NWD1: variants seen among roughly 807,000 people sequenced by gnomAD.
NWD1 encodes the protein NACHT domain- and WD repeat-containing protein 1.
NWD1 carries 129 observed loss-of-function variants against 135.1 expected under a neutral mutation model. That is an observed-to-expected ratio of 0.96 (90% CI 0.83 to 1.11). The LOEUF is 1.11. NWD1 is among the 50% of genes least tolerant of loss of function. NWD1 has a pLI of 0.00. For synonymous variants in NWD1, 773 were observed against 786.0 expected (o/e 0.98, Z 0.28); for missense variants, 1,740 against 1,851.3 (o/e 0.94, Z 1.10).
At chr19:16,774,983 T>G (rs886662428) in intron 11 of NWD1, among the ~76,000 whole-genome samples, 3 of 152,128 alleles carry the variant, frequency 2.0e-5, no homozygotes, top group African/African-American at 7.2e-5. Context: ...ACTAGCCACC[T>G]GTCTACCCAC....
intron 2 of NWD1, among the ~76,000 whole-genome samples, chr19:16,730,664 C>G (rs1967521097): frequency 6.6e-6 from 1 of 151,964 alleles, no homozygotes; most frequent in African/African-American, 2.4e-5. Flanking sequence ...TTACAGTGAG[C>G]TATGATTGCA....
chr19:16,731,495 C>G (rs1479170028), intron 3 of NWD1, among the ~76,000 whole-genome samples: 1 of 150,984 alleles, frequency 6.6e-6, no homozygotes, highest in Non-Finnish European at 1.5e-5. Flanking sequence ...TTAGTAGAGA[C>G]GGGGTTTCAC....
Position 16,815,057 on chromosome 19 carries a change from G to T in NWD1, c.*18G>T, listed in dbSNP as rs1332864732. 6.2e-7 allele frequency: 1 copy of T among 1,613,600 alleles called. No homozygotes were observed. Among genetic ancestry groups the T allele is most frequent in the Admixed American group, 1.7e-5 (1 of 60,010 alleles). ...CCTGCTGACAGTCCAGTTTGTCCAT[G>T]CTGTGGTAAACAGAATCATCCCAAC... is the stretch of plus-strand genomic sequence containing the variant. On this transcript the variant is annotated 3_prime_UTR_variant, in exon 19 of 19. Transcript: ENST00000524140.
At chr19:16,766,689 G>C (rs1969237421) in intron 10 of NWD1, among the ~76,000 whole-genome samples, 1 of 152,004 alleles carries the variant, frequency 6.6e-6, no homozygotes, top group African/African-American at 2.4e-5. Flanking sequence ...AGGCTCAAGA[G>C]ATCCTCCTAC....
At position 16,815,348 on chromosome 19, in the gene NWD1, A is replaced by G. The variant is rs1299868983; in HGVS notation, c.*309A>G. ...AGTGTAAAAAAATAAAAATAAAAAA[A>G]CCCTGTGGGGGTATGGGGCTCCAGT... is the stretch of plus-strand genomic sequence containing the variant. On this transcript the variant is annotated 3_prime_UTR_variant, in exon 19 of 19. Transcript: ENST00000524140. 1 of 719,982 alleles carries G rather than the reference A, an allele frequency of 1.4e-6. No homozygotes were observed. The highest frequency in any genetic ancestry group is 1.8e-5 in the African/African-American group (1 of 56,412). 44.6% of individuals were successfully genotyped at this position (719,982 alleles called of 1,614,324 possible).
chr19:16,724,739 G>A (rs1049414657), intron 2 of NWD1, among the ~76,000 whole-genome samples: 2 of 152,142 alleles, frequency 1.3e-5, no homozygotes, highest in Non-Finnish European at 2.9e-5. Context: ...TATTGCCCAG[G>A]CTGGAGTGTA....
intron 11 of NWD1, among the ~76,000 whole-genome samples, chr19:16,776,468 T>C (rs1198559020): frequency 6.6e-6 from 1 of 151,456 alleles, no homozygotes; most frequent in East Asian, 1.9e-4. Flanking sequence ...CTCTGGAGGC[T>C]GAGGCAGGAG....
rs1250515756 is a variant in NWD1, at chr19:16,736,680, A to G, written c.128A>G (p.His43Arg). Residue 43 changes from histidine to arginine, a missense_variant, in exon 4 of 19, where the codon CAC becomes CGC. Physicochemically the swap from His to Arg is conservative, Grantham distance 29. Transcript: ENST00000524140. ...WGIRNIEATD[H>R]LTTELCLEEV... ...ATTCGGAACATTGAAGCCACTGACC[A>G]CTTGACCACAGAACTCTGCTTGGAG... 2 of 1,536,246 alleles carry G rather than the reference A, an allele frequency of 1.3e-6. No individual in the cohort carries two copies. The highest frequency in any genetic ancestry group is 3.9e-5 in the Admixed American group (2 of 50,968).
intron 1 of NWD1, among the ~76,000 whole-genome samples, chr19:16,722,892 G>A (rs1225730676): frequency 6.6e-6 from 1 of 152,054 alleles, no homozygotes; most frequent in East Asian, 1.9e-4. Flanking sequence ...CGGACACCAA[G>A]GCTCAGGAGA....
At chr19:16,758,386 C>T (rs930103410) in intron 6 of NWD1, among the ~76,000 whole-genome samples, 1 of 152,160 alleles carries the variant, frequency 6.6e-6, no homozygotes, top group East Asian at 1.9e-4. Flanking sequence ...AAGTGATCCT[C>T]CCACCTCAGC....
chr19:16,730,755 A>G (rs2122693940), intron 2 of NWD1, among the ~76,000 whole-genome samples: 1 of 151,924 alleles, frequency 6.6e-6, no homozygotes, highest in East Asian at 1.9e-4. Context: ...AGGGCTGGGT[A>G]TGGTGGCTCA....
chr19:16,800,572 G>A (rs923528217), intron 17 of NWD1, among the ~76,000 whole-genome samples: 1 of 152,050 alleles, frequency 6.6e-6, no homozygotes, highest in African/African-American at 2.4e-5. Context: ...AGACTGGGTG[G>A]CATAAGCAAG....
Position 16,765,172 on chromosome 19 carries a change from CT to C in NWD1, c.2391del (p.Val798TrpfsTer87), listed in dbSNP as rs774468750. The C allele has an allele frequency of 6.2e-7, 1 of 1,613,994 alleles. No individual in the cohort carries two copies. The highest frequency in any genetic ancestry group is 1.3e-5 in the African/African-American group (1 of 74,922). ...GAAGCCCTCCAGCTCTGCCGCCCTG[CT>C]GTGGAGCTCCGAGGCATGGGTGAGT... ...VREALQLCRP[A>X]VELRGMERSL... On this transcript the variant is annotated frameshift_variant, in exon 10 of 19. Coordinates refer to ENST00000524140, the MANE Select transcript of NWD1 (RefSeq NM_001007525.5). LOFTEE classifies it high-confidence loss of function.
At chr19:16,743,472 T>C (rs1292582182) in intron 4 of NWD1, among the ~76,000 whole-genome samples, 1 of 151,604 alleles carries the variant, frequency 6.6e-6, no homozygotes, top group African/African-American at 2.4e-5. Context: ...CCTCCCAAAG[T>C]GTTGGGATTA....
chr19:16,727,117 T>G (rs1250308441), intron 2 of NWD1: 1 of 152,174 alleles, frequency 6.6e-6, no homozygotes, highest in Non-Finnish European at 1.5e-5. Context: ...GGGCTCAGGC[T>G]CAACTTACAC....
intron 4 of NWD1, among the ~76,000 whole-genome samples, chr19:16,742,693 G>T (rs149071255): frequency 6.6e-6 from 1 of 151,728 alleles, no homozygotes; most frequent in South Asian, 2.1e-4. Flanking sequence ...ATTTTGAGAC[G>T]GAGTTTCGCT....
intron 5 of NWD1, among the ~76,000 whole-genome samples, chr19:16,745,860 T>C (rs1318246564): frequency 6.6e-6 from 1 of 152,172 alleles, no homozygotes; most frequent in African/African-American, 2.4e-5. Flanking sequence ...GAGGCTGCAT[T>C]GAGCTATGAT....
At chr19:16,749,057 C>A in intron 5 of NWD1, 82 bp from the exon 6 acceptor site, 1 of 1,073,674 alleles carries the variant, frequency 9.3e-7, no homozygotes, top group Non-Finnish European at 1.4e-6. Flanking sequence ...CCCCCAACAA[C>A]AGGTCTCCCA....
intron 11 of NWD1, among the ~76,000 whole-genome samples, chr19:16,775,389 G>A (rs2547088): frequency 0.18 from 27,492 of 151,926 alleles, 5,859 homozygotes; most frequent in African/African-American, 0.52. Context: ...GCAGAGGCAA[G>A]AGGGAGTCTT....
Sources: allele counts gnomAD v4.1 joint callset (sites outside exome capture counted in the v4.1 genomes callset), GRCh38; gene constraint gnomAD v4.1.1; transcripts MANE v1.5; gene names NCBI Gene and HGNC (gene_info 2026-07-23, HGNC 2026-07-21).